Variants in METTL15 observed in about 807,000 individuals in gnomAD.
METTL15 encodes methyltransferase 15, mitochondrial 12S rRNA N4-cytidine.
A neutral mutation model predicts 38.3 loss-of-function variants in METTL15; 34 were observed. The ratio of observed to expected loss-of-function variants is 0.89; its 90% CI spans 0.68 to 1.18. The LOEUF is 1.18. METTL15 is among the 50% of genes most tolerant of loss of function. The pLI, the probability that METTL15 is intolerant of heterozygous loss-of-function variation, is 0.00. For missense variants in METTL15, 438 were observed against 498.4 expected, an observed-to-expected ratio of 0.88 and a Z score of 1.15; for synonymous variants, 162 against 170.9, an observed-to-expected ratio of 0.95 and a Z score of 0.41.
chr11:28,190,494 T>C, intron 3 of METTL15, among the ~76,000 whole-genome samples: 1 of 151,376 alleles, frequency 6.6e-6, no homozygotes, highest in South Asian at 2.1e-4. Context: ...GACATGTTTT[T>C]ATCTTATTTT....
At chr11:28,409,415 A>G (rs1250794399) in intron 5 of METTL15, among the ~76,000 whole-genome samples, 3 of 147,350 alleles carry the variant, frequency 2.0e-5, no homozygotes, top group African/African-American at 4.9e-5. Flanking sequence ...AGGAATATTT[A>G]TATCATATGT....
intron 4 of METTL15, among the ~76,000 whole-genome samples, chr11:28,248,380 C>G (rs1203231672): frequency 3.3e-5 from 5 of 152,054 alleles, no homozygotes; most frequent in African/African-American, 9.7e-5. Flanking sequence ...GGTTTCCCAT[C>G]TGTCTACGAT....
At chr11:28,139,352 A>T (rs1211489480) in intron 3 of METTL15, among the ~76,000 whole-genome samples, 6 of 152,186 alleles carry the variant, frequency 3.9e-5, no homozygotes, top group Non-Finnish European at 1.5e-5. Flanking sequence ...GGAACAAGTC[A>T]TCCCTAGTTC....
At chr11:28,250,378 A>G (rs541257558) in intron 4 of METTL15, among the ~76,000 whole-genome samples, 5 of 152,064 alleles carry the variant, frequency 3.3e-5, no homozygotes, top group African/African-American at 7.2e-5. Context: ...CAACCTTACT[A>G]GCATCTGCTA....
chr11:28,147,873 G>C (rs1412013120), intron 3 of METTL15, among the ~76,000 whole-genome samples: 1 of 151,702 alleles, frequency 6.6e-6, no homozygotes, highest in Admixed American at 6.6e-5. Flanking sequence ...TACTTACCTA[G>C]TTTTCAAAGG....
chr11:28,152,374 G>T (rs1169299975), intron 3 of METTL15, among the ~76,000 whole-genome samples: 1 of 151,900 alleles, frequency 6.6e-6, no homozygotes, highest in Non-Finnish European at 1.5e-5. Flanking sequence ...GGAGGAAGTA[G>T]GCTTTAGGAT....
chr11:28,292,888 C>T (rs1257332462), intron 5 of METTL15, among the ~76,000 whole-genome samples: 2 of 152,042 alleles, frequency 1.3e-5, no homozygotes, highest in South Asian at 4.1e-4. Flanking sequence ...TATCCTTTGC[C>T]CACTTGTTGA....
At chr11:28,426,726 T>C (rs1850868847) in intron 6 of METTL15, among the ~76,000 whole-genome samples, 1 of 152,030 alleles carries the variant, frequency 6.6e-6, no homozygotes, top group African/African-American at 2.4e-5. Context: ...TGGCTGAATG[T>C]ATGTCCTCTT....
At chr11:28,207,391 G>GT in intron 3 of METTL15, among the ~76,000 whole-genome samples, 1 of 152,222 alleles carries the variant, frequency 6.6e-6, no homozygotes, top group South Asian at 2.1e-4. Context: ...CTTTGGTTCT[G>GT]TTTATATGCT....
At chr11:28,452,179 T>G (rs991985845) in intron 6 of METTL15, among the ~76,000 whole-genome samples, 2 of 152,222 alleles carry the variant, frequency 1.3e-5, no homozygotes, top group African/African-American at 4.8e-5. Context: ...GAGAGCCGTT[T>G]GGAATAATAG....
chr11:28,109,932 GTTTC>G (rs1251238332), intron 1 of METTL15, among the ~76,000 whole-genome samples: 3 of 152,164 alleles, frequency 2.0e-5, no homozygotes, highest in African/African-American at 7.2e-5. Flanking sequence ...GCTCCTTGTA[GTTTC>G]TAAACATAGA....
At position 28,217,226 on chromosome 11, in the gene METTL15, G is replaced by A. The variant is rs1182406680; in HGVS notation, c.407+6028G>A. 3.3e-5 allele frequency among the ~76,000 whole-genome samples: 5 copies of A among 151,618 alleles called. No homozygotes were observed. In the South Asian group the frequency reaches 8.3e-4, roughly 25 times the overall value. On this transcript the variant is annotated intron_variant, in intron 4 of 6. Coordinates refer to ENST00000407364, the MANE Select transcript of METTL15 (RefSeq NM_001113528.2). The stretch of plus-strand genomic sequence containing the variant: ...CTCCACATCCTCTCCAGCACCTGTT[G>A]TTTCCTGACTTTTTAATGATCGCCA...
At chr11:28,163,021 A>G (rs1850525771) in intron 3 of METTL15, among the ~76,000 whole-genome samples, 2 of 152,080 alleles carry the variant, frequency 1.3e-5, no homozygotes, top group Admixed American at 1.3e-4. Flanking sequence ...TCTCAAGGGA[A>G]ATCTATCAGA....
At chr11:28,353,781 C>G (rs562413671) in intron 4 of METTL15, among the ~76,000 whole-genome samples, 28 of 151,316 alleles carry the variant, frequency 1.9e-4, no homozygotes, top group Non-Finnish European at 2.9e-4. Flanking sequence ...AAAAATTAGC[C>G]GGGCGCGGTG....
intron 4 of METTL15, among the ~76,000 whole-genome samples, chr11:28,223,426 G>A (rs1003583932): frequency 2.6e-5 from 4 of 152,166 alleles, no homozygotes; most frequent in African/African-American, 9.6e-5. Context: ...ATAATGGATC[G>A]ATCAATGGAT....
chr11:28,380,558 T>G (rs1850372067), intron 5 of METTL15, among the ~76,000 whole-genome samples: 1 of 152,206 alleles, frequency 6.6e-6, no homozygotes, highest in African/African-American at 2.4e-5. Flanking sequence ...TTTTCTTTCT[T>G]ACTGTCTTCA....
At chr11:28,379,115 TC>T (rs1265565163) in intron 5 of METTL15, among the ~76,000 whole-genome samples, 3 of 152,100 alleles carry the variant, frequency 2.0e-5, no homozygotes, top group Non-Finnish European at 2.9e-5. Flanking sequence ...CTCTTTTTTT[TC>T]CTCCCTAAAT....
intron 3 of METTL15, among the ~76,000 whole-genome samples, chr11:28,188,750 T>C (rs1851597360): frequency 6.6e-6 from 1 of 151,118 alleles, no homozygotes; most frequent in African/African-American, 2.4e-5. Flanking sequence ...GTAGCATAGT[T>C]TTTATTATTA....
At chr11:28,192,122 C>G (rs747765829) in intron 3 of METTL15, among the ~76,000 whole-genome samples, 1 of 151,698 alleles carries the variant, frequency 6.6e-6, no homozygotes, top group Non-Finnish European at 1.5e-5. Context: ...ATTCTGAGAT[C>G]ATGTCTTTGG....
Sources: allele counts gnomAD v4.1 joint callset (sites outside exome capture counted in the v4.1 genomes callset), GRCh38; gene constraint gnomAD v4.1.1; transcripts MANE v1.5; gene names NCBI Gene and HGNC (gene_info 2026-07-23, HGNC 2026-07-21).